Variants in ARHGEF7 observed in about 807,000 individuals in gnomAD.
ARHGEF7 encodes the protein Rho guanine nucleotide exchange factor 7, also known as PAK-interacting exchange factor beta.
In ARHGEF7, 33 loss-of-function variants were observed where a neutral mutation model predicts 109.8. That is an observed-to-expected ratio of 0.30 (90% CI 0.23 to 0.40). The LOEUF is 0.40. ARHGEF7 is among the 10% of genes least tolerant of loss of function. The pLI is 1.00. For synonymous variants in ARHGEF7, 458 were observed against 424.6 expected, an observed-to-expected ratio of 1.08 and a Z score of -0.97; for missense variants, 938 against 1,098.5, an observed-to-expected ratio of 0.85 and a Z score of 2.07.
chr13:111,274,073 CAAAG>C (rs2092339389), intron 10 of ARHGEF7, 121 bp downstream of exon 10: 48 of 1,235,022 alleles, frequency 3.9e-5, no homozygotes, highest in Non-Finnish European at 5.2e-5. Context: ...ACAGAGTTTA[CAAAG>C]AGTTTTGTTA....
rs550390150 is a variant in ARHGEF7, at chr13:111,261,041, C to T, written c.951-6507C>T. 4.0e-5 allele frequency among the ~76,000 whole-genome samples: 6 copies of T among 151,856 alleles called. No homozygotes were observed. The East Asian group carries it at 1.2e-3, about 29-fold the overall frequency. ...TAAAACATAAAACCAGAGAGAATCA[C>T]CTTTACTAAAAGGAAGACAGGAAGG... On this transcript the variant is annotated intron_variant, in intron 8 of 21. Coordinates refer to ENST00000646102, the MANE Select transcript of ARHGEF7 (RefSeq NM_001354046.2).
At chr13:111,140,410 G>A (rs999296630) in intron 1 of ARHGEF7, among the ~76,000 whole-genome samples, 3 of 152,226 alleles carry the variant, frequency 2.0e-5, no homozygotes, top group African/African-American at 7.2e-5. Flanking sequence ...CATCGGGGAG[G>A]TGTTACTGAG....
At chr13:111,271,217 C>G (rs914865015) in intron 9 of ARHGEF7, among the ~76,000 whole-genome samples, 1 of 152,188 alleles carries the variant, frequency 6.6e-6, no homozygotes, top group African/African-American at 2.4e-5. Flanking sequence ...CTCCTCTGTC[C>G]TTGTGGTCCT....
In ARHGEF7 at chr13:111,181,256, T is replaced by C. The variant is rs141193644; in HGVS notation, c.253-24033T>C. ...TTAGAAGGATCAGGACAAGGGAACT[T>C]TGGAATTGGTAAATTTGTGTATTAA... On this transcript the variant is annotated intron_variant, in intron 2 of 21. Coordinates refer to ENST00000646102, the MANE Select transcript of ARHGEF7 (RefSeq NM_001354046.2). 2.4e-4 allele frequency among the ~76,000 whole-genome samples: 36 copies of C among 152,334 alleles called. 1 individual carries two copies. The East Asian group carries it at 6.2e-3, about 26-fold the overall frequency.
intron 2 of ARHGEF7, among the ~76,000 whole-genome samples, 175 bp downstream of exon 2, chr13:111,154,166 C>T (rs1438364598): frequency 6.6e-6 from 1 of 151,956 alleles, no homozygotes; most frequent in Non-Finnish European, 1.5e-5. Context: ...GGGTAATGGC[C>T]GGGAGGTGGC....
At chr13:111,245,465 T>C (rs1021997418) in intron 8 of ARHGEF7, among the ~76,000 whole-genome samples, 1 of 152,200 alleles carries the variant, frequency 6.6e-6, no homozygotes. Context: ...GGTACCCACT[T>C]ACCGAGCTTT....
chr13:111,294,245 A>G (rs2093371116), intron 19 of ARHGEF7: 2 of 985,338 alleles, frequency 2.0e-6, no homozygotes, highest in South Asian at 9.4e-5. Context: ...TTTGTATTAC[A>G]TACGGTAGTC....
Position 111,209,054 on chromosome 13 carries a change from A to G in ARHGEF7, c.338-818A>G, listed in dbSNP as rs374079975. Among the ~76,000 whole-genome samples, 84 of 152,326 alleles carry G rather than the reference A, an allele frequency of 5.5e-4. No individual in the cohort carries two copies. In the South Asian group the frequency reaches 0.017, roughly 31 times the overall value. ...GAATTTTATAAGATACGTGCAAGCC[A>G]ATCCAAACACCTGGGAGGAAGCTGG... On this transcript the variant is annotated intron_variant, in intron 3 of 21. Transcript: ENST00000646102.
chr13:111,176,247 C>T (rs1318505591), intron 2 of ARHGEF7, among the ~76,000 whole-genome samples: 2 of 152,188 alleles, frequency 1.3e-5, no homozygotes, highest in Non-Finnish European at 2.9e-5. Flanking sequence ...GATTTTAAGC[C>T]TGATCTTTTA....
chr13:111,162,618 T>A (rs899814436), intron 2 of ARHGEF7, among the ~76,000 whole-genome samples: 1 of 152,186 alleles, frequency 6.6e-6, no homozygotes, highest in Non-Finnish European at 1.5e-5. Flanking sequence ...CTGGGATAAT[T>A]TAGTGAGTGA....
chr13:111,274,732 A>G lies in ARHGEF7; in HGVS notation c.1214A>G (p.Asp405Gly). ...LLKELERHMEDYHTDRQDIQK... is the reference protein window; with the variant it reads ...LLKELERHMEGYHTDRQDIQK... ...ATTGTATGTTTCTTTTACTCAAAGG[A>G]TTATCATACAGATAGACAAGATATT... is the stretch of plus-strand genomic sequence containing the variant. The change falls in exon 11 of 22, where the codon GAT (aspartate) becomes GGT (glycine). Residue 405 changes from aspartate (D) to glycine (G), a missense_variant and splice_region_variant. This residue lies in a region of ARHGEF7 where 585 missense variants were observed against 723.6 expected (regional missense o/e 0.81). Coordinates refer to ENST00000646102, the MANE Select transcript of ARHGEF7 (RefSeq NM_001354046.2). The G allele has an allele frequency of 6.7e-7, 1 of 1,482,702 alleles. No individual in the cohort carries two copies. 91.8% of individuals were successfully genotyped at this position (1,482,702 alleles called of 1,614,324 possible).
intron 4 of ARHGEF7, 63 bp from the exon 5 acceptor site, chr13:111,217,616 C>T: frequency 1.4e-6 from 2 of 1,420,162 alleles, no homozygotes; most frequent in East Asian, 2.3e-5. Context: ...AAGTATAATC[C>T]ATTTTATAAT....
intron 8 of ARHGEF7, among the ~76,000 whole-genome samples, chr13:111,251,294 T>C (rs2089730710): frequency 6.6e-6 from 1 of 152,116 alleles, no homozygotes; most frequent in Non-Finnish European, 1.5e-5. Context: ...CACCCTGAGG[T>C]GGGCATTGGC....
chr13:111,150,951 C>T (rs946014839), intron 1 of ARHGEF7, among the ~76,000 whole-genome samples: 16 of 152,182 alleles, frequency 1.1e-4, no homozygotes, highest in Non-Finnish European at 1.9e-4. Context: ...AGTGGTGGAA[C>T]CAATCCCAGA....
intron 1 of ARHGEF7, among the ~76,000 whole-genome samples, chr13:111,125,666 C>T (rs7335920): frequency 0.85 from 129,780 of 152,162 alleles, 55,718 homozygotes; most frequent in South Asian, 0.92. Context: ...TGGCTTTTCT[C>T]CCTCAATTCT....
intron 5 of ARHGEF7, among the ~76,000 whole-genome samples, chr13:111,221,291 ATATATATGTCTATATATATC>A (rs2083935354): frequency 3.6e-5 from 2 of 56,264 alleles, no homozygotes; most frequent in African/African-American, 1.6e-4. Context: ...ATCTATATAG[ATATATATGTCTATATATATC>A]TATATATAGA....
rs139944879 is a variant in ARHGEF7 at position 111,174,523 on chromosome 13, C to T, written c.252+20532C>T. ...CACCTTTCTCGCAGTCTTGCTCTTG[C>T]ATTTTATGACTTCCTGGTCATTACA... On this transcript the variant is annotated intron_variant, in intron 2 of 21. Transcript: ENST00000646102. Among the ~76,000 whole-genome samples the T allele has an allele frequency of 2.0e-3, 302 of 152,320 alleles. 3 individuals are homozygous for T. The highest frequency in any genetic ancestry group is 6.8e-3 in the Middle Eastern group (2 of 294).
intron 2 of ARHGEF7, among the ~76,000 whole-genome samples, chr13:111,159,254 A>G (rs935502014): frequency 1.3e-5 from 2 of 152,202 alleles, no homozygotes; most frequent in African/African-American, 4.8e-5. Context: ...TATTGTGTAT[A>G]TATCCCACAT....
chr13:111,207,657 G>A (rs1594731487), intron 3 of ARHGEF7, among the ~76,000 whole-genome samples: 2 of 152,228 alleles, frequency 1.3e-5, no homozygotes, highest in African/African-American at 4.8e-5. Context: ...TTTGCTGTAA[G>A]TGGGGGTGCT....
Sources: allele counts gnomAD v4.1 joint callset (sites outside exome capture counted in the v4.1 genomes callset), GRCh38; gene constraint gnomAD v4.1.1; regional missense constraint gnomAD v4.1.1; transcripts MANE v1.5; gene names NCBI Gene and HGNC (gene_info 2026-07-23, HGNC 2026-07-21).